TENM3: variants seen among roughly 807,000 people sequenced by gnomAD.
TENM3 encodes teneurin transmembrane protein 3, also known as teneurin-3.
In TENM3, 63 loss-of-function variants were observed where a neutral mutation model predicts 255.1. That is an observed-to-expected ratio of 0.25 (90% CI 0.20 to 0.30). TENM3 has a LOEUF of 0.30. TENM3 is among the 10% of genes least tolerant of loss of function. The pLI is 1.00. For missense variants in TENM3, 2,929 were observed against 3,461.1 expected, an observed-to-expected ratio of 0.85 and a Z score of 3.86; for synonymous variants, 1,306 against 1,322.3, an observed-to-expected ratio of 0.99 and a Z score of 0.27.
At chr4:182,024,375 T>C in the TENM3 span, among the ~76,000 whole-genome samples, 2 of 152,148 alleles carry the variant, frequency 1.3e-5, no homozygotes, top group Non-Finnish European at 2.9e-5. Flanking sequence ...ATTAGAAAAG[T>C]GTCAAATATT....
At chr4:182,517,342 A>C (rs1236166449) in intron 3 of TENM3, among the ~76,000 whole-genome samples, 1 of 149,106 alleles carries the variant, frequency 6.7e-6, no homozygotes, top group East Asian at 2.0e-4. Context: ...TCTTTTCTGT[A>C]GTCTGTTATT....
chr4:182,121,647 C>T, the TENM3 span, among the ~76,000 whole-genome samples: 1 of 152,038 alleles, frequency 6.6e-6, no homozygotes, highest in Non-Finnish European at 1.5e-5. Flanking sequence ...ATGTACATAC[C>T]TTAAGTTTTA....
At chr4:182,611,294 A>T (rs1325645990) in intron 4 of TENM3, among the ~76,000 whole-genome samples, 1 of 151,348 alleles carries the variant, frequency 6.6e-6, no homozygotes, top group Non-Finnish European at 1.5e-5. Context: ...TGTGCCTGTT[A>T]TCATACACAG....
the TENM3 span, among the ~76,000 whole-genome samples, chr4:181,585,915 T>A: frequency 6.6e-6 from 1 of 152,338 alleles, no homozygotes; most frequent in East Asian, 1.9e-4. Context: ...CTGCTTTGGC[T>A]GAAATCCACA....
intron 1 of TENM3, among the ~76,000 whole-genome samples, chr4:182,191,234 G>A (rs950645474): frequency 3.9e-5 from 6 of 152,136 alleles, no homozygotes; most frequent in Non-Finnish European, 7.3e-5. Context: ...ATTTTTCAGG[G>A]TAGCATTCAA....
intron 20 of TENM3, 48 bp downstream of exon 20, chr4:182,752,080 A>AG: frequency 8.5e-7 from 1 of 1,172,160 alleles, no homozygotes; most frequent in East Asian, 2.6e-5. Context: ...TATTAAAAAA[A>AG]AAAAAAAAGG....
chr4:181,815,462 C>CAAAAAAAAAAAAA, the TENM3 span, among the ~76,000 whole-genome samples: 7 of 82,012 alleles, frequency 8.5e-5, no homozygotes, highest in Admixed American at 1.7e-4. Flanking sequence ...GACTCCCTAT[C>CAAAAAAAAAAAAA]AAAAAAAAAA....
chr4:182,141,616 G>A (rs1312378577), upstream of TENM3: 1 of 152,216 alleles, frequency 6.6e-6, no homozygotes, highest in African/African-American at 2.4e-5. Flanking sequence ...AGTGCGCAGG[G>A]CCGTATTAAT....
At position 182,325,407 on chromosome 4, in the gene TENM3, C is replaced by T. The variant is rs917990046; in HGVS notation, c.232+1155C>T. On this transcript the variant is annotated intron_variant, in intron 2 of 27. Transcript: ENST00000511685. ...TACATCAAAGAAAACTCATTTGATT[C>T]GCTAAGGAGAGATTTTTATACCCTA... Among the ~76,000 whole-genome samples, 5 of 152,168 alleles carry T rather than the reference C, an allele frequency of 3.3e-5. No individual in the cohort carries two copies. The East Asian group carries it at 5.8e-4, about 18-fold the overall frequency.
chr4:182,694,649 A>G (rs564368961), intron 12 of TENM3, among the ~76,000 whole-genome samples: 2 of 152,350 alleles, frequency 1.3e-5, no homozygotes, highest in African/African-American at 2.4e-5. Context: ...AAGATCATTA[A>G]TGATCACAAA....
the TENM3 span, among the ~76,000 whole-genome samples, chr4:181,867,131 T>G: frequency 6.6e-6 from 1 of 152,168 alleles, no homozygotes; most frequent in East Asian, 1.9e-4. Context: ...ACTCGTAGCT[T>G]TCTAATTTCA....
chr4:182,793,825 T>TACATG lies in TENM3; in HGVS notation c.7154_7158dup (p.Phe2387ThrfsTer15). 1 of 1,613,874 alleles carries TACATG rather than the reference T, an allele frequency of 6.2e-7. No individual in the cohort carries two copies. The highest frequency in any genetic ancestry group is 2.2e-5 in the East Asian group (1 of 44,878). On this transcript the variant is annotated frameshift_variant, in exon 26 of 28. Transcript: ENST00000511685. LOFTEE classifies it high-confidence loss of function. This position sits in a 1 kb window ranked among gnomAD's most constrained non-coding sequence, Gnocchi z 5.7. ...GAAGGACCCAGCTCCTTTTAACTTG[T>TACATG]ACATGTTTAGGAATAACAACCCTGC...
chr4:181,636,949 A>G, the TENM3 span, among the ~76,000 whole-genome samples: 1 of 152,056 alleles, frequency 6.6e-6, no homozygotes, highest in Non-Finnish European at 1.5e-5. Context: ...TCTGGTTTAC[A>G]CCACTCCAGC....
chr4:182,416,823 G>A (rs1770396402), intron 3 of TENM3, among the ~76,000 whole-genome samples: 1 of 152,202 alleles, frequency 6.6e-6, no homozygotes, highest in African/African-American at 2.4e-5. Context: ...ACCTGCAACA[G>A]AGTGCTTTAG....
At chr4:181,691,839 T>C in the TENM3 span, among the ~76,000 whole-genome samples, 1 of 152,198 alleles carries the variant, frequency 6.6e-6, no homozygotes, top group Non-Finnish European at 1.5e-5. Flanking sequence ...AAGACTTTTC[T>C]GTCTTTCCCC....
intron 1 of TENM3, among the ~76,000 whole-genome samples, chr4:182,162,029 G>A (rs1298303174): frequency 4.5e-5 from 6 of 131,902 alleles, no homozygotes; most frequent in Non-Finnish European, 9.3e-5. Context: ...TGTATTAGTC[G>A]GTTCAATGGA....
chr4:182,423,488 G>A (rs1770989264), intron 3 of TENM3, among the ~76,000 whole-genome samples: 1 of 152,000 alleles, frequency 6.6e-6, no homozygotes, highest in African/African-American at 2.4e-5. Flanking sequence ...CTGAAAAATT[G>A]TGCTCACTCC....
chr4:182,356,038 G>C (rs1444643042), intron 3 of TENM3, among the ~76,000 whole-genome samples: 3 of 151,896 alleles, frequency 2.0e-5, no homozygotes, highest in Non-Finnish European at 4.4e-5. Flanking sequence ...AATGAGAAAA[G>C]AAGAGGAGTG....
At chr4:181,691,955 G>A in the TENM3 span, among the ~76,000 whole-genome samples, 1 of 152,080 alleles carries the variant, frequency 6.6e-6, no homozygotes, top group African/African-American at 2.4e-5. Flanking sequence ...TTTCAACTAG[G>A]TGCTTGTCTT....
Sources: allele counts gnomAD v4.1 joint callset (sites outside exome capture counted in the v4.1 genomes callset), GRCh38; gene constraint gnomAD v4.1.1; non-coding constraint Gnocchi (gnomAD v3.1); transcripts MANE v1.5; gene names NCBI Gene and HGNC (gene_info 2026-07-23, HGNC 2026-07-21).